Variants in UNC5C observed in about 807,000 individuals in gnomAD.
UNC5C encodes the protein netrin receptor UNC5C.
A neutral mutation model predicts 99.8 loss-of-function variants in UNC5C; 47 were observed. The observed-to-expected ratio is 0.47, with a 90% CI of 0.37 to 0.60. UNC5C has a LOEUF of 0.60. Ranked by LOEUF, UNC5C falls within the 20% of genes least tolerant of loss-of-function variation. The pLI is 0.00. For synonymous variants in UNC5C, 487 were observed against 452.2 expected, an observed-to-expected ratio of 1.08 and a Z score of -0.98; for missense variants, 1,062 against 1,165.9, an observed-to-expected ratio of 0.91 and a Z score of 1.30.
intron 3 of UNC5C, among the ~76,000 whole-genome samples, chr4:95,292,444 A>G (rs1741511823): frequency 2.6e-5 from 4 of 151,966 alleles, no homozygotes; most frequent in African/African-American, 9.7e-5. Context: ...AGAAATGTCA[A>G]TTCATTCATT....
intron 12 of UNC5C, among the ~76,000 whole-genome samples, chr4:95,201,138 A>G (rs991044096): frequency 6.6e-5 from 10 of 152,160 alleles, no homozygotes; most frequent in African/African-American, 2.4e-4. Context: ...ACTGTGAGAA[A>G]TAAGTTTGTT....
chr4:95,502,137 A>T (rs549166806), intron 1 of UNC5C, among the ~76,000 whole-genome samples: 4 of 152,308 alleles, frequency 2.6e-5, no homozygotes, highest in South Asian at 2.1e-4. Context: ...GAGCATTTAC[A>T]GTTGGTCTTT....
At chr4:95,494,153 T>C (rs905917001) in intron 1 of UNC5C, among the ~76,000 whole-genome samples, 7 of 151,498 alleles carry the variant, frequency 4.6e-5, no homozygotes, top group Admixed American at 6.6e-5. Context: ...AAAGGAAAGA[T>C]GTTCAGCTGA....
chr4:95,231,382 G>A (rs1350439702), intron 7 of UNC5C, among the ~76,000 whole-genome samples: 1 of 152,172 alleles, frequency 6.6e-6, no homozygotes, highest in Non-Finnish European at 1.5e-5. Context: ...TTATGCATAT[G>A]ACATAATGTC....
intron 2 of UNC5C, among the ~76,000 whole-genome samples, chr4:95,331,779 C>T (rs1488415751): frequency 6.6e-6 from 1 of 152,070 alleles, no homozygotes; most frequent in Non-Finnish European, 1.5e-5. Context: ...AAATCTCTCT[C>T]AATATATGTG....
Position 95,415,233 on chromosome 4 carries a change from C to T in UNC5C, c.125-79602G>A, listed in dbSNP as rs139792043. ...CCATTAATATTTGTCTCAACATAGT[C>T]TACATTTATTGGCACCCTCCTACTT... is the stretch of plus-strand genomic sequence containing the variant. On this transcript the variant is annotated intron_variant, in intron 1 of 15. Coordinates refer to ENST00000453304, the MANE Select transcript of UNC5C (RefSeq NM_003728.4). Among the ~76,000 whole-genome samples, 27 of 152,270 alleles carry T rather than the reference C, an allele frequency of 1.8e-4. No homozygotes were observed. In the East Asian group the frequency reaches 4.8e-3, roughly 27 times the overall value.
intron 3 of UNC5C, among the ~76,000 whole-genome samples, chr4:95,285,428 T>C (rs1741198095): frequency 6.6e-6 from 1 of 152,186 alleles, no homozygotes; most frequent in African/African-American, 2.4e-5. Context: ...AAAATAGATA[T>C]TGAATCTGAA....
chr4:95,415,975 C>T (rs1180424691), intron 1 of UNC5C, among the ~76,000 whole-genome samples: 1 of 151,848 alleles, frequency 6.6e-6, no homozygotes, highest in Non-Finnish European at 1.5e-5. Context: ...TCCCCCAATC[C>T]CCAACTTCAA....
intron 1 of UNC5C, among the ~76,000 whole-genome samples, chr4:95,483,300 C>G (rs192984660): frequency 6.5e-4 from 98 of 151,808 alleles, no homozygotes; most frequent in African/African-American, 2.3e-3. Context: ...AATATTCTTC[C>G]TTTTGCGACT....
At chr4:95,524,473 G>C (rs72661330) in intron 1 of UNC5C, among the ~76,000 whole-genome samples, 1 of 152,298 alleles carries the variant, frequency 6.6e-6, no homozygotes, top group Non-Finnish European at 1.5e-5. Context: ...CCACCTGCAT[G>C]CATGTTCTTT....
chr4:95,372,816 A>G (rs1359442794), intron 1 of UNC5C, among the ~76,000 whole-genome samples: 1 of 152,204 alleles, frequency 6.6e-6, no homozygotes, highest in Non-Finnish European at 1.5e-5. Flanking sequence ...ATCATTCTAT[A>G]GTGCTCAGAG....
At chr4:95,349,557 T>G (rs1345910349) in intron 1 of UNC5C, among the ~76,000 whole-genome samples, 1 of 151,562 alleles carries the variant, frequency 6.6e-6, no homozygotes, top group Admixed American at 6.6e-5. Context: ...GATTCCTATT[T>G]TTTCTGCTTT....
intron 2 of UNC5C, among the ~76,000 whole-genome samples, chr4:95,311,279 A>G (rs1742267296): frequency 6.6e-6 from 1 of 152,158 alleles, no homozygotes; most frequent in East Asian, 1.9e-4. Flanking sequence ...TTGTGTGTCA[A>G]TATTCTTTGG....
intron 2 of UNC5C, among the ~76,000 whole-genome samples, chr4:95,303,606 A>G (rs1463434449): frequency 2.0e-5 from 3 of 152,130 alleles, no homozygotes; most frequent in African/African-American, 4.8e-5. Context: ...AACCTTGGAG[A>G]TGGAGTCTGC....
rs1421288411 is a variant in UNC5C, at chr4:95,492,614, A to G, written c.124+56120T>C. 2.0e-5 allele frequency among the ~76,000 whole-genome samples: 3 copies of G among 151,428 alleles called. No homozygotes were observed. The Admixed American group carries it at 2.0e-4, about 10-fold the overall frequency. On this transcript the variant is annotated intron_variant, in intron 1 of 15. Transcript: ENST00000453304. ...ATTTTATTCAAGGTCCAAAAGGAAA[A>G]TGTAATAATTCCACACAAAAATTCA...
At chr4:95,461,988 T>C (rs73838874) in intron 1 of UNC5C, among the ~76,000 whole-genome samples, 141 of 152,354 alleles carry the variant, frequency 9.3e-4, no homozygotes, top group Middle Eastern at 3.4e-3. Context: ...TGACTTTTTA[T>C]CTTTTTAGTG....
intron 2 of UNC5C, among the ~76,000 whole-genome samples, chr4:95,328,507 A>G (rs1403206817): frequency 5.0e-5 from 7 of 140,240 alleles, no homozygotes; most frequent in Admixed American, 4.6e-4. Context: ...GCTATTGTGA[A>G]TAATGCCTCA....
chr4:95,405,862 G>A (rs1009074078), intron 1 of UNC5C, among the ~76,000 whole-genome samples: 68 of 152,198 alleles, frequency 4.5e-4, no homozygotes, highest in African/African-American at 1.6e-3. Flanking sequence ...ATGTATTAAT[G>A]TTTTTACTGA....
At chr4:95,346,019 GAT>G (rs1216526748) in intron 1 of UNC5C, among the ~76,000 whole-genome samples, 1 of 151,656 alleles carries the variant, frequency 6.6e-6, no homozygotes, top group Non-Finnish European at 1.5e-5. Context: ...AGAAATAAAG[GAT>G]ATTGAAATGA....
Sources: gnomAD v4.1 joint callset for allele counts (sites outside exome capture counted in the v4.1 genomes callset) on GRCh38, gnomAD v4.1.1 for gene constraint, MANE v1.5 for transcripts, NCBI Gene and HGNC (gene_info 2026-07-23, HGNC 2026-07-21) for gene names.